Variants in KLF12 observed in about 807,000 individuals in gnomAD.
The protein encoded by KLF12 is KLF transcription factor 12, also known as Krueppel-like factor 12.
A neutral mutation model predicts 37.8 loss-of-function variants in KLF12; 9 were observed. The ratio of observed to expected loss-of-function variants is 0.24; its 90% CI spans 0.14 to 0.42. KLF12 has a LOEUF of 0.42. Among genes scored for constraint, KLF12 ranks in the 10% least tolerant of loss-of-function variants. The probability of loss-of-function intolerance (pLI) is 1.00; values close to 1 mark genes in which losing one functional copy is unlikely to be tolerated. For synonymous variants in KLF12, 208 were observed against 202.1 expected (o/e 1.03, Z -0.25); for missense variants, 411 against 516.0 (o/e 0.80, Z 1.97).
At chr13:73,942,512 A>C (rs1360160046) in intron 3 of KLF12, among the ~76,000 whole-genome samples, 1 of 152,200 alleles carries the variant, frequency 6.6e-6, no homozygotes. Context: ...TGGTTAGGTT[A>C]ATCAATAAAG....
At chr13:74,012,569 C>T (rs950469833) in intron 1 of KLF12, among the ~76,000 whole-genome samples, 1 of 152,304 alleles carries the variant, frequency 6.6e-6, no homozygotes, top group South Asian at 2.1e-4. Context: ...ACAGTATCAT[C>T]TGGAAACTCA....
the KLF12 span, among the ~76,000 whole-genome samples, chr13:74,250,873 A>G: frequency 6.6e-6 from 1 of 152,224 alleles, no homozygotes; most frequent in Non-Finnish European, 1.5e-5. Flanking sequence ...GGTAGAGAAA[A>G]CATGCCAACA....
intron 6 of KLF12, among the ~76,000 whole-genome samples, chr13:73,726,088 G>C (rs974298616): frequency 2.0e-5 from 3 of 151,776 alleles, no homozygotes; most frequent in Admixed American, 6.6e-5. Context: ...CCCAACCTCA[G>C]GTGATCCGCC....
At chr13:74,177,238 G>A in the KLF12 span, among the ~76,000 whole-genome samples, 14 of 152,194 alleles carry the variant, frequency 9.2e-5, no homozygotes, top group Admixed American at 9.2e-4. Flanking sequence ...TTGAAGCTGA[G>A]TCTTGAACTC....
intron 1 of KLF12, among the ~76,000 whole-genome samples, chr13:74,030,060 T>G (rs1347106442): frequency 1.3e-5 from 2 of 152,126 alleles, no homozygotes; most frequent in African/African-American, 4.8e-5. Context: ...TAAAAAATTT[T>G]TAAGTGACTA....
intron 5 of KLF12, among the ~76,000 whole-genome samples, chr13:73,778,297 A>G (rs1323188535): frequency 6.6e-6 from 1 of 152,180 alleles, no homozygotes; most frequent in Non-Finnish European, 1.5e-5. Context: ...CACAAACACA[A>G]GTGTTTTCCT....
At chr13:73,809,331 C>T (rs1479700502) in intron 5 of KLF12, among the ~76,000 whole-genome samples, 1 of 150,398 alleles carries the variant, frequency 6.6e-6, no homozygotes, top group African/African-American at 2.4e-5. Context: ...TTGTTGACAG[C>T]CTTTAAGTTT....
At chr13:73,793,826 T>C (rs1881818083) in intron 5 of KLF12, among the ~76,000 whole-genome samples, 1 of 152,218 alleles carries the variant, frequency 6.6e-6, no homozygotes, top group Non-Finnish European at 1.5e-5. Context: ...TTAAGGTGAA[T>C]CTGTCATTTC....
intron 1 of KLF12, among the ~76,000 whole-genome samples, chr13:74,050,883 A>T (rs1439420699): frequency 6.6e-6 from 1 of 152,212 alleles, no homozygotes; most frequent in Non-Finnish European, 1.5e-5. Context: ...GGCAAAAAAA[A>T]TCTAAACAGA....
chr13:73,997,878 C>T (rs1264059439), intron 1 of KLF12, among the ~76,000 whole-genome samples: 4 of 152,094 alleles, frequency 2.6e-5, no homozygotes, highest in Non-Finnish European at 5.9e-5. Context: ...AAATATTACA[C>T]TTTTGAAAGT....
In KLF12 at chr13:73,694,830, C is replaced by G. The variant is rs976140285; in HGVS notation, c.*660G>C. On this transcript the variant is annotated 3_prime_UTR_variant, in exon 8 of 8. Coordinates refer to ENST00000377669, the MANE Select transcript of KLF12 (RefSeq NM_007249.5). ...AAACAGAATCGAAACAAAACAAAAA[C>G]AATCAACGACAAACAAATGAAAGAT... The G allele has an allele frequency of 6.6e-6, 1 of 152,654 alleles. No individual in the cohort carries two copies. Among genetic ancestry groups the G allele is most frequent in the Middle Eastern group, 3.1e-3 (1 of 318 alleles). The allele number at this position is 152,654 out of a possible 1,614,324, so 9.5% of individuals were successfully genotyped here.
At chr13:73,995,212 C>T (rs997513152) in intron 1 of KLF12, among the ~76,000 whole-genome samples, 159 bp from the exon 2 acceptor site, 3 of 152,096 alleles carry the variant, frequency 2.0e-5, no homozygotes, top group Admixed American at 6.5e-5. Context: ...TGTTGGCTTG[C>T]TCTTCAGCAG....
the KLF12 span, among the ~76,000 whole-genome samples, chr13:74,210,047 A>G: frequency 1.2e-3 from 177 of 152,312 alleles, 1 homozygote; most frequent in African/African-American, 4.1e-3. Context: ...TTTATTTTTT[A>G]TATCATTACT....
At chr13:73,809,960 T>C (rs1378348470) in intron 5 of KLF12, among the ~76,000 whole-genome samples, 1 of 152,090 alleles carries the variant, frequency 6.6e-6, no homozygotes, top group East Asian at 1.9e-4. Flanking sequence ...CTTGAAAAGG[T>C]GTAGGCTGGG....
chr13:74,120,097 A>C (rs1877538211), intron 1 of KLF12, among the ~76,000 whole-genome samples: 1 of 152,208 alleles, frequency 6.6e-6, no homozygotes. Flanking sequence ...TTGAATACCC[A>C]CCTAAAACAC....
At chr13:74,005,054 G>A (rs1289509886) in intron 1 of KLF12, among the ~76,000 whole-genome samples, 2 of 152,088 alleles carry the variant, frequency 1.3e-5, no homozygotes, top group Non-Finnish European at 2.9e-5. Flanking sequence ...TCTAACCTGT[G>A]CTTGAGGCTG....
At chr13:73,700,308 AAAT>A (rs1265484793) in intron 7 of KLF12, among the ~76,000 whole-genome samples, 11 of 151,410 alleles carry the variant, frequency 7.3e-5, no homozygotes, top group African/African-American at 2.2e-4. Context: ...TAAAAAGAAA[AAAT>A]AATAATAAAA....
chr13:74,157,871 T>G, the KLF12 span, among the ~76,000 whole-genome samples: 1 of 152,318 alleles, frequency 6.6e-6, no homozygotes, highest in South Asian at 2.1e-4. Context: ...TCCCATGGCA[T>G]TCATCAGGTG....
intron 1 of KLF12, among the ~76,000 whole-genome samples, chr13:74,080,725 T>C (rs985756664): frequency 1.3e-5 from 2 of 152,178 alleles, no homozygotes; most frequent in Non-Finnish European, 2.9e-5. Context: ...TAAAACACAA[T>C]GGCAGCCATG....
Sources: allele counts gnomAD v4.1 joint callset (sites outside exome capture counted in the v4.1 genomes callset), GRCh38; gene constraint gnomAD v4.1.1; transcripts MANE v1.5; gene names NCBI Gene and HGNC (gene_info 2026-07-23, HGNC 2026-07-21).